The following EVI5L variants were observed in gnomAD, a reference collection of about 807,000 sequenced individuals.
EVI5L encodes ecotropic viral integration site 5 like.
A neutral mutation model predicts 106.1 loss-of-function variants in EVI5L; 30 were observed. The ratio of observed to expected loss-of-function variants is 0.28; its 90% CI spans 0.21 to 0.38. The LOEUF is 0.38. Among genes scored for constraint, EVI5L ranks in the 10% least tolerant of loss-of-function variants. The pLI is 1.00. For synonymous variants in EVI5L, 489 were observed against 483.3 expected (o/e 1.01, Z -0.15); for missense variants, 809 against 1,098.0 (o/e 0.74, Z 3.72).
chr19:7,846,302 TCC>T (rs1978943729), intron 1 of EVI5L, among the ~76,000 whole-genome samples, 192 bp from the exon 2 acceptor site: 1 of 152,010 alleles, frequency 6.6e-6, no homozygotes, highest in East Asian at 1.9e-4. Flanking sequence ...CAGGCAGGGA[TCC>T]CAATCGCCAG....
chr19:7,845,888 C>T lies in EVI5L; in HGVS notation c.-47-608C>T, dbSNP rs139839186. Among the ~76,000 whole-genome samples, 6 of 152,346 alleles carry T rather than the reference C, an allele frequency of 3.9e-5. No individual in the cohort carries two copies. The East Asian group carries it at 1.2e-3, about 29-fold the overall frequency. ...TCTGCCAGGGCACAGATTCCCAGCA[C>T]TCTGCCACGTCCCTGGCTTCTCAAC... On this transcript the variant is annotated intron_variant, in intron 1 of 19. Coordinates refer to ENST00000538904, the MANE Select transcript of EVI5L (RefSeq NM_001159944.3). The surrounding 1 kb of genome is among the most constrained non-coding windows in gnomAD (Gnocchi z 4.0).
chr19:7,847,510 C>T (rs1347616410), intron 2 of EVI5L, among the ~76,000 whole-genome samples: 1 of 151,980 alleles, frequency 6.6e-6, no homozygotes, highest in Non-Finnish European at 1.5e-5. Flanking sequence ...TTGCTTGAAC[C>T]AGGAGGCAGA....
In EVI5L at chr19:7,860,697, G is replaced by C. The variant is rs1979758635; in HGVS notation, c.1503+8G>C. 6.3e-7 allele frequency: 1 copy of C among 1,575,642 alleles called. No homozygotes were observed. The highest frequency in any genetic ancestry group is 1.3e-5 in the African/African-American group (1 of 74,158). On this transcript the variant is annotated splice_region_variant and intron_variant, in intron 14 of 19. Coordinates refer to ENST00000538904, the MANE Select transcript of EVI5L (RefSeq NM_001159944.3). ...GTTCTCGACATGGAAAAGGTGCAAT[G>C]GGGAGGCAGACGGGCAGGTGTCGGG...
intron 8 of EVI5L, among the ~76,000 whole-genome samples, chr19:7,852,177 G>C (rs1222307741): frequency 6.6e-6 from 1 of 152,200 alleles, no homozygotes; most frequent in Admixed American, 6.5e-5. Context: ...GCAACCTCAC[G>C]CCTTGCCCCG....
rs1323845188 is a variant in EVI5L at position 7,848,260 on chromosome 19, C to T, written c.327+339C>T. Among the ~76,000 whole-genome samples, 1 of 151,612 alleles carries T rather than the reference C, an allele frequency of 6.6e-6. No individual in the cohort carries two copies. On this transcript the variant is annotated intron_variant, in intron 3 of 19. Coordinates refer to ENST00000538904, the MANE Select transcript of EVI5L (RefSeq NM_001159944.3). This position sits in a 1 kb window ranked among gnomAD's most constrained non-coding sequence, Gnocchi z 4.8. ...TTGAGGCCAGGAGTTCGAGGCCAGC[C>T]TGGGCAACGTAATGAGACTCCGACT...
intron 6 of EVI5L, among the ~76,000 whole-genome samples, chr19:7,851,152 C>T (rs1599571562): frequency 1.3e-5 from 2 of 152,130 alleles, no homozygotes; most frequent in East Asian, 3.9e-4. Context: ...TCGTGAGGAC[C>T]CCATGAGCTG....
chr19:7,849,523 G>A (rs1315912710), intron 5 of EVI5L, among the ~76,000 whole-genome samples, 193 bp downstream of exon 5: 2 of 152,240 alleles, frequency 1.3e-5, no homozygotes, highest in Non-Finnish European at 2.9e-5. Context: ...GTCTGGTTGG[G>A]TCCTGTCTGC....
rs1287771917 is a variant in EVI5L, at chr19:7,860,572, C to A, written c.1386C>A (p.Arg462=). 6.3e-7 allele frequency: 1 copy of A among 1,593,212 alleles called. No homozygotes were observed. The highest frequency in any genetic ancestry group is 8.5e-7 in the Non-Finnish European group (1 of 1,171,126). ...TCTGCCTCCCCCAGGAGAACCCCCGCCTCACAGAAGACTTCGTGTCCCACC... is the reference window on the plus strand; with the variant it reads ...TCTGCCTCCCCCAGGAGAACCCCCGACTCACAGAAGACTTCGTGTCCCACC... ...RQLQEQQENP[R]LTEDFVSHLE... Residue 462 remains arginine, a synonymous_variant, in exon 14 of 20, where the codon CGC becomes CGA. Transcript: ENST00000538904.
At chr19:7,854,249 T>C (rs1599574361) in intron 10 of EVI5L, among the ~76,000 whole-genome samples, 1 of 136,778 alleles carries the variant, frequency 7.3e-6, no homozygotes, top group South Asian at 2.2e-4. Context: ...ACCGTTGCAC[T>C]CCAGCCTGGG....
At chr19:7,836,129 C>G (rs1402482058) in intron 1 of EVI5L, among the ~76,000 whole-genome samples, 1 of 151,990 alleles carries the variant, frequency 6.6e-6, no homozygotes, top group Non-Finnish European at 1.5e-5. Context: ...CCCAGCTACT[C>G]GGGAGGCTGA....
chr19:7,839,612 C>T (rs1005025245), intron 1 of EVI5L, among the ~76,000 whole-genome samples: 1 of 152,060 alleles, frequency 6.6e-6, no homozygotes, highest in Non-Finnish European at 1.5e-5. Flanking sequence ...GTTCAATGGA[C>T]GTGGCAGGCG....
chr19:7,836,110 A>G (rs902408107), intron 1 of EVI5L, among the ~76,000 whole-genome samples: 11 of 152,206 alleles, frequency 7.2e-5, no homozygotes, highest in Middle Eastern at 6.8e-3. Flanking sequence ...GGTGGCACGC[A>G]CCTGTAATCC....
At chr19:7,849,923 G>T in intron 5 of EVI5L, 74 bp from the exon 6 acceptor site, 3 of 1,294,592 alleles carry the variant, frequency 2.3e-6, no homozygotes, top group Middle Eastern at 2.6e-4. Flanking sequence ...CTGTACCCCA[G>T]GGCCCTGATG....
In EVI5L at chr19:7,862,167, C is replaced by T; in HGVS notation, c.1690C>T (p.Leu564=). 8.2e-6 allele frequency: 13 copies of T among 1,577,320 alleles called. No individual in the cohort carries two copies. Among genetic ancestry groups the T allele is most frequent in the Non-Finnish European group, 1.0e-5 (12 of 1,166,056 alleles). ...CCGCTGGAAGGAGTCCCCACGGAAG[C>T]TGGTCGTGGGCGAGCTGCAGGACGA... is the stretch of plus-strand genomic sequence containing the variant. The part of the protein sequence containing the change: ...GGRWKESPRK[L]VVGELQDELM... Residue 564 remains leucine, a synonymous_variant, in exon 16 of 20, where the codon CTG becomes TTG. Coordinates refer to ENST00000538904, the MANE Select transcript of EVI5L (RefSeq NM_001159944.3).
chr19:7,859,770 C>T (rs1341634325), intron 13 of EVI5L, among the ~76,000 whole-genome samples: 1 of 152,252 alleles, frequency 6.6e-6, no homozygotes, highest in East Asian at 1.9e-4. Context: ...AAGGCCACCT[C>T]CTCAGGCCCA....
At position 7,851,520 on chromosome 19, in the gene EVI5L, C is replaced by T. The variant is rs1215873554; in HGVS notation, c.840C>T (p.Phe280=). Residue 280 remains phenylalanine (F), a synonymous_variant, in exon 7 of 20, where the codon TTC becomes TTT. Coordinates refer to ENST00000538904, the MANE Select transcript of EVI5L (RefSeq NM_001159944.3). ...CCTCGTCCTGGTTCCTCACACTGTT[C>T]CTGACCACCTTCCCACTCCCCGTCG... ...MYASSWFLTL[F]LTTFPLPVAT... 6.2e-7 allele frequency: 1 copy of T among 1,613,386 alleles called. No individual in the cohort carries two copies. Among genetic ancestry groups the T allele is most frequent in the South Asian group, 1.1e-5 (1 of 90,812 alleles).
chr19:7,858,387 C>T lies in EVI5L; in HGVS notation c.1374+56C>T. 9.4e-6 allele frequency: 14 copies of T among 1,492,400 alleles called. No homozygotes were observed. Among genetic ancestry groups the T allele is most frequent in the Admixed American group, 2.3e-5 (1 of 43,176 alleles). The allele number at this position is 1,492,400 out of a possible 1,614,324, so 92.4% of individuals were successfully genotyped here. A position where few individuals can be genotyped will look rare whatever the true frequency, so the allele number is the denominator to read the frequency against. On this transcript the variant is annotated intron_variant, in intron 13 of 19. Transcript: ENST00000538904. This position sits in a 1 kb window ranked among gnomAD's most constrained non-coding sequence, Gnocchi z 5.7. ...GGGCCATGACCCGCGCCCCCGCCCCCGCCCAACGGTTTTCTTTCAGGGCTC... is the reference window on the plus strand; with the variant it reads ...GGGCCATGACCCGCGCCCCCGCCCCTGCCCAACGGTTTTCTTTCAGGGCTC...
intron 5 of EVI5L, 118 bp downstream of exon 5, chr19:7,849,448 C>T (rs1979129066): frequency 9.0e-7 from 1 of 1,109,044 alleles, no homozygotes; most frequent in Non-Finnish European, 1.3e-6. Flanking sequence ...GGGGTAGATC[C>T]TCCTTCTCCA....
At chr19:7,842,370 G>A (rs535828312) in intron 1 of EVI5L, among the ~76,000 whole-genome samples, 3 of 134,716 alleles carry the variant, frequency 2.2e-5, no homozygotes, top group Admixed American at 7.6e-5. Context: ...TATCAAGTGC[G>A]TGCATGTGTG....
Sources: gnomAD v4.1 joint callset for allele counts (sites outside exome capture counted in the v4.1 genomes callset) on GRCh38, gnomAD v4.1.1 for gene constraint, Gnocchi (gnomAD v3.1) non-coding constraint, MANE v1.5 for transcripts, NCBI Gene and HGNC (gene_info 2026-07-23, HGNC 2026-07-21) for gene names.